SLC26A6: variants seen among roughly 807,000 people sequenced by gnomAD.
The protein encoded by SLC26A6 is solute carrier family 26 member 6.
Under a neutral mutation model 87.1 loss-of-function variants are expected in SLC26A6, and 67 were observed. The ratio of observed to expected loss-of-function variants is 0.77; its 90% CI spans 0.63 to 0.94. SLC26A6 has a LOEUF of 0.94. SLC26A6 is among the 40% of genes least tolerant of loss of function. The pLI, the probability that SLC26A6 is intolerant of heterozygous loss-of-function variation, is 0.00. For missense variants in SLC26A6, 902 were observed against 973.0 expected, an observed-to-expected ratio of 0.93 and a Z score of 0.97; for synonymous variants, 414 against 405.9, an observed-to-expected ratio of 1.02 and a Z score of -0.24.
chr3:48,629,735 C>T lies in SLC26A6; in HGVS notation c.1530-24G>A, dbSNP rs202044685. The T allele has an allele frequency of 5.4e-4, 876 of 1,611,524 alleles. 13 individuals are homozygous for T. Among genetic ancestry groups the T allele is most frequent in the East Asian group, 4.0e-4 (18 of 44,852 alleles). On this transcript the variant is annotated intron_variant, in intron 13 of 20. Transcript: ENST00000395550. Reference sequence around the variant, plus strand: ...GCCTGTGAAGGAGAGAGAGAATGCACGAAGAGGGGGCAGAAAAAGGGGATA... The same window carrying T: ...GCCTGTGAAGGAGAGAGAGAATGCATGAAGAGGGGGCAGAAAAAGGGGATA...
chr3:48,633,148 A>T, intron 3 of SLC26A6, 64 bp from the exon 4 acceptor site: 1 of 1,583,842 alleles, frequency 6.3e-7, no homozygotes, highest in Non-Finnish European at 8.6e-7. Context: ...AGGGAATCCC[A>T]GCCCTGGGTT....
chr3:48,634,567 C>G (rs1331226566), intron 1 of SLC26A6, among the ~76,000 whole-genome samples: 1 of 152,160 alleles, frequency 6.6e-6, no homozygotes, highest in Non-Finnish European at 1.5e-5. Context: ...GAGGCTCCCA[C>G]GTGGAATGGG....
chr3:48,625,840 G>T lies in SLC26A6; in HGVS notation c.*146C>A. ...GTCCCAGACCTGGAGCGCTGAACTTGGAGTCCCAGGACCTCCTTCCCTGAG... is the reference window on the plus strand; with the variant it reads ...GTCCCAGACCTGGAGCGCTGAACTTTGAGTCCCAGGACCTCCTTCCCTGAG... On this transcript the variant is annotated 3_prime_UTR_variant, in exon 21 of 21. Coordinates refer to ENST00000395550, the MANE Select transcript of SLC26A6 (RefSeq NM_022911.3). This position sits in a 1 kb window ranked among gnomAD's most constrained non-coding sequence, Gnocchi z 4.7. 3.9e-6 allele frequency: 4 copies of T among 1,027,094 alleles called. No homozygotes were observed. Among genetic ancestry groups the T allele is most frequent in the Non-Finnish European group, 5.8e-6 (4 of 692,840 alleles). 63.6% of individuals were successfully genotyped at this position (1,027,094 alleles called of 1,614,324 possible).
In SLC26A6 at chr3:48,628,614, C is replaced by T. The variant is rs200450577; in HGVS notation, c.1692+8G>A. The T allele has an allele frequency of 1.4e-3, 2,193 of 1,613,896 alleles. 8 individuals carry two copies. Among genetic ancestry groups the T allele is most frequent in the South Asian group, 5.6e-3 (509 of 91,086 alleles). On this transcript the variant is annotated splice_region_variant and intron_variant, in intron 15 of 20. Coordinates refer to ENST00000395550, the MANE Select transcript of SLC26A6 (RefSeq NM_022911.3). The surrounding 1 kb of genome is among the most constrained non-coding windows in gnomAD (Gnocchi z 4.4). The stretch of plus-strand genomic sequence containing the variant: ...GGCCTGACACCCATCCTGGGGACTC[C>T]GTCTCACCCTCTGCTTCAGCGCATC...
intron 5 of SLC26A6, 68 bp from the exon 6 acceptor site, chr3:48,632,112 A>G: frequency 6.3e-7 from 1 of 1,599,280 alleles, no homozygotes. Context: ...AGCGCAGGGC[A>G]AGTGGGATGG....
Position 48,632,225 on chromosome 3 carries a change from T to TG in SLC26A6, c.585+19_585+20insC. 1 of 1,576,296 alleles carries TG rather than the reference T, an allele frequency of 6.3e-7. No individual in the cohort carries two copies. Among genetic ancestry groups the TG allele is most frequent in the Non-Finnish European group, 8.6e-7 (1 of 1,159,304 alleles). On this transcript the variant is annotated intron_variant, in intron 5 of 20. Transcript: ENST00000395550. Reference sequence around the variant, plus strand: ...AGCAGAAGTGGTGGTGGGGGGCACATACTCCTGACTGTTCCACACCTGGAA... The same window carrying TG: ...AGCAGAAGTGGTGGTGGGGGGCACATGACTCCTGACTGTTCCACACCTGGAA...
At chr3:48,630,349 G>T (rs1039896095) in intron 11 of SLC26A6, 89 bp downstream of exon 11, 1 of 1,421,012 alleles carries the variant, frequency 7.0e-7, no homozygotes, top group Non-Finnish European at 9.6e-7. Flanking sequence ...ACCTAACCTT[G>T]TGTCCCCACC....
intron 17 of SLC26A6, chr3:48,627,743 G>C (rs2046665780): frequency 2.1e-6 from 1 of 484,200 alleles, no homozygotes; most frequent in Non-Finnish European, 3.6e-6. Flanking sequence ...TCTTCATCTA[G>C]GCCTGAGAAT....
intron 17 of SLC26A6, 139 bp from the exon 18 acceptor site, chr3:48,627,194 C>T (rs2106644266): frequency 1.0e-6 from 1 of 996,438 alleles, no homozygotes; most frequent in Non-Finnish European, 1.5e-6. Flanking sequence ...GCGGGAGTCA[C>T]ATAGGTGTGC....
rs1338871593 is a variant in SLC26A6 at position 48,633,091 on chromosome 3, G to A, written c.323-7C>T. On this transcript the variant is annotated splice_region_variant and splice_polypyrimidine_tract_variant and intron_variant, in intron 3 of 20. Coordinates refer to ENST00000395550, the MANE Select transcript of SLC26A6 (RefSeq NM_022911.3). ...AGGAGGGCGTAGGCCAAGCCTAGGG[G>A]TAGAATGGTAGCAGTGCAGGCCTGG... 2 of 1,609,560 alleles carry A rather than the reference G, an allele frequency of 1.2e-6. No individual in the cohort carries two copies. Among genetic ancestry groups the A allele is most frequent in the East Asian group, 2.2e-5 (1 of 44,820 alleles).
intron 20 of SLC26A6, 23 bp from the exon 21 acceptor site, chr3:48,626,023 G>A (rs761572553): frequency 1.2e-6 from 2 of 1,613,664 alleles, no homozygotes; most frequent in Non-Finnish European, 1.7e-6. Flanking sequence ...AGGAGGGGAG[G>A]CTCTAGTCAG....
At position 48,631,236 on chromosome 3, in the gene SLC26A6, T is replaced by C; in HGVS notation, c.974A>G (p.Asn325Ser). The C allele has an allele frequency of 6.2e-7, 1 of 1,611,118 alleles. No homozygotes were observed. The highest frequency in any genetic ancestry group is 8.5e-7 in the Non-Finnish European group (1 of 1,178,202). Residue 325 changes from asparagine (N) to serine (S), a missense_variant, in exon 8 of 21, where the codon AAC becomes AGC. Transcript: ENST00000395550. Reference protein sequence around the residue: ...KHRFEVDVVGNIPAGLVPPVA... With the variant: ...KHRFEVDVVGSIPAGLVPPVA... Reference sequence around the variant, plus strand: ...GGCCAGAGCTCACCCTGCAGGGATGTTGCCCACGACATCTACCTCAAATCT... The same window carrying C: ...GGCCAGAGCTCACCCTGCAGGGATGCTGCCCACGACATCTACCTCAAATCT...
At position 48,629,957 on chromosome 3, in the gene SLC26A6, TGAA is replaced by T. The variant is rs1378505379; in HGVS notation, c.1441_1443del (p.Phe481del). ...TCCAGGTTCAGCAAGATGGTGGCCG[TGAA>T]GGTCACCAGCCAGATAAGCTGAGAA... On this transcript the variant is annotated inframe_deletion, in exon 13 of 21. Transcript: ENST00000395550. 6.2e-7 allele frequency: 1 copy of T among 1,613,902 alleles called. No homozygotes were observed. Among genetic ancestry groups the T allele is most frequent in the Non-Finnish European group, 8.5e-7 (1 of 1,179,996 alleles).
chr3:48,632,328 C>T lies in SLC26A6; in HGVS notation c.502G>A (p.Asp168Asn), dbSNP rs570282311. The T allele has an allele frequency of 2.5e-6, 4 of 1,613,102 alleles. No individual in the cohort carries two copies. The highest frequency in any genetic ancestry group is 1.3e-5 in the African/African-American group (1 of 75,012). ...TESLAPQALN[D>N]SMINETARDA... Reference sequence around the variant, plus strand: ...CTGGCTGTCTCATTGATCATGGAGTCGTTCAAGGCCTGCGGGGCCAGGGAT... The same window carrying T: ...CTGGCTGTCTCATTGATCATGGAGTTGTTCAAGGCCTGCGGGGCCAGGGAT... The change falls in exon 5 of 21, where the codon GAC becomes AAC. Residue 168 changes from aspartate (D) to asparagine (N), a missense_variant. Physicochemically the swap from Asp to Asn is conservative, Grantham distance 23. Transcript: ENST00000395550.
intron 18 of SLC26A6, 22 bp downstream of exon 18, chr3:48,626,854 C>T: frequency 6.2e-7 from 1 of 1,609,608 alleles, no homozygotes; most frequent in Non-Finnish European, 8.5e-7. Flanking sequence ...CTCGAGGGGC[C>T]TTGGCCTGCC....
chr3:48,630,429 G>A lies in SLC26A6; in HGVS notation c.1326+9C>T, dbSNP rs777127732. The A allele has an allele frequency of 3.2e-6, 5 of 1,554,126 alleles. No homozygotes were observed. Among genetic ancestry groups the A allele is most frequent in the Non-Finnish European group, 4.4e-6 (5 of 1,148,508 alleles). On this transcript the variant is annotated intron_variant, in intron 11 of 20. Transcript: ENST00000395550. ...CCAAGACCTGAAACCTGGCTGGGTG[G>A]GGGCTCACCTTGGGCAGGTCATGGA... is the stretch of plus-strand genomic sequence containing the variant.
At chr3:48,632,923 C>A (rs1226876468) in intron 4 of SLC26A6, 51 bp downstream of exon 4, 1 of 1,550,662 alleles carries the variant, frequency 6.4e-7, no homozygotes, top group Non-Finnish European at 8.8e-7. Context: ...ACCCTGCCCT[C>A]CATGATGGAT....
Position 48,635,437 on chromosome 3 carries a change from T to A in SLC26A6, c.-44A>T. ...TGCGGGCTGCTCCTGCTGCTCGAGC[T>A]AGAGGCCGCTACGCTCCGGAAGGCG... is the stretch of plus-strand genomic sequence containing the variant. On this transcript the variant is annotated 5_prime_UTR_variant, in exon 1 of 21. Transcript: ENST00000395550. 1 of 1,557,918 alleles carries A rather than the reference T, an allele frequency of 6.4e-7. No homozygotes were observed.
At chr3:48,631,857 T>G (rs1014595137) in intron 6 of SLC26A6, 23 bp downstream of exon 6, 24 of 1,612,940 alleles carry the variant, frequency 1.5e-5, no homozygotes, top group Non-Finnish European at 2.0e-5. Flanking sequence ...CACCTACCCC[T>G]CCCTCCCCCT....
Sources: allele counts gnomAD v4.1 joint callset (sites outside exome capture counted in the v4.1 genomes callset), GRCh38; gene constraint gnomAD v4.1.1; non-coding constraint Gnocchi (gnomAD v3.1); transcripts MANE v1.5; gene names NCBI Gene and HGNC (gene_info 2026-07-23, HGNC 2026-07-21).